The following TNIK variants were observed in gnomAD, a reference collection of about 807,000 sequenced individuals.
TNIK encodes TRAF2 and NCK-interacting protein kinase.
TNIK carries 49 observed loss-of-function variants against 191.3 expected under a neutral mutation model. The observed-to-expected ratio is 0.26, with a 90% CI of 0.20 to 0.32. The LOEUF (loss-of-function observed/expected upper bound fraction) is 0.32, where lower values mean the gene tolerates loss of function less well. Ranked by LOEUF, TNIK falls within the 10% of genes least tolerant of loss-of-function variation. The pLI is 1.00. For missense variants in TNIK, 1,155 were observed against 1,702.3 expected (o/e 0.68, Z 5.66); for synonymous variants, 594 against 600.9 (o/e 0.99, Z 0.17).
intron 1 of TNIK, among the ~76,000 whole-genome samples, chr3:171,438,058 G>A (rs1726244705): frequency 6.6e-6 from 1 of 152,164 alleles, no homozygotes; most frequent in Non-Finnish European, 1.5e-5. Flanking sequence ...TGCTGCACCT[G>A]CACAGTGACT....
At chr3:171,382,685 T>C (rs1179846688) in intron 1 of TNIK, among the ~76,000 whole-genome samples, 1 of 152,136 alleles carries the variant, frequency 6.6e-6, no homozygotes, top group East Asian at 1.9e-4. Context: ...TTCAAATCAT[T>C]GTGATGACTG....
At chr3:171,352,222 G>A (rs1351454081) in intron 2 of TNIK, among the ~76,000 whole-genome samples, 1 of 152,122 alleles carries the variant, frequency 6.6e-6, no homozygotes, top group Non-Finnish European at 1.5e-5. Flanking sequence ...TTTTTGAAAG[G>A]TTCATCCTGG....
intron 15 of TNIK, among the ~76,000 whole-genome samples, chr3:171,133,233 C>T (rs1219173710): frequency 1.3e-5 from 2 of 152,072 alleles, no homozygotes; most frequent in African/African-American, 4.8e-5. Flanking sequence ...CGTATAGATC[C>T]CTGTGTGAAT....
chr3:171,060,672 A>T lies in TNIK; in HGVS notation c.*3209T>A, dbSNP rs547806888. On this transcript the variant is annotated 3_prime_UTR_variant, in exon 33 of 33. Transcript: ENST00000436636. Reference sequence around the variant, plus strand: ...CTTCATTTGCATTGTGTGTTATGACAGTGGTCTGGCTGGAACTGGCAGGGG... The same window carrying T: ...CTTCATTTGCATTGTGTGTTATGACTGTGGTCTGGCTGGAACTGGCAGGGG... Among the ~76,000 whole-genome samples the T allele has an allele frequency of 6.6e-6, 1 of 152,350 alleles. No homozygotes were observed. The highest frequency in any genetic ancestry group is 1.5e-5 in the Non-Finnish European group (1 of 68,040).
intron 4 of TNIK, among the ~76,000 whole-genome samples, chr3:171,197,631 T>C (rs1215383099): frequency 1.3e-5 from 2 of 152,116 alleles, no homozygotes; most frequent in Non-Finnish European, 2.9e-5. Context: ...GATATACAAA[T>C]GGCTAACAAT....
At position 171,223,196 on chromosome 3, in the gene TNIK, C is replaced by T. The variant is rs547059520; in HGVS notation, c.180+4969G>A. On this transcript the variant is annotated intron_variant, in intron 3 of 32. Coordinates refer to ENST00000436636, the MANE Select transcript of TNIK (RefSeq NM_015028.4). The stretch of plus-strand genomic sequence containing the variant: ...CCCTCTCAGCCTCATGCCTTGGCAC[C>T]GGCTGTATTCTTGGCTGGAATGTCC... 8.6e-4 allele frequency among the ~76,000 whole-genome samples: 131 copies of T among 152,274 alleles called. 4 individuals carry two copies. Among genetic ancestry groups the T allele is most frequent in the Admixed American group, 8.5e-3 (130 of 15,286 alleles).
At chr3:171,132,012 T>A (rs1729373798) in intron 15 of TNIK, among the ~76,000 whole-genome samples, 2 of 152,172 alleles carry the variant, frequency 1.3e-5, no homozygotes, top group African/African-American at 4.8e-5. Flanking sequence ...GAAAGATACA[T>A]GTGATTAAAA....
At chr3:171,138,153 G>A in intron 15 of TNIK, 38 bp downstream of exon 15, 2 of 1,509,090 alleles carry the variant, frequency 1.3e-6, no homozygotes, top group South Asian at 1.4e-5. Context: ...AGAGTCAAAA[G>A]CCTGGCCAAC....
At chr3:171,450,212 G>A (rs1329405772) in intron 1 of TNIK, among the ~76,000 whole-genome samples, 2 of 152,142 alleles carry the variant, frequency 1.3e-5, no homozygotes, top group Non-Finnish European at 2.9e-5. Context: ...ACATAGAATC[G>A]TAACCTTTAT....
chr3:171,381,965 A>T (rs1239191431), intron 1 of TNIK, among the ~76,000 whole-genome samples: 4 of 152,236 alleles, frequency 2.6e-5, no homozygotes, highest in Non-Finnish European at 5.9e-5. Context: ...TGGAGCTACC[A>T]TGCTACCGCT....
intron 2 of TNIK, among the ~76,000 whole-genome samples, chr3:171,341,594 C>T (rs925654103): frequency 2.1e-5 from 3 of 143,510 alleles, no homozygotes; most frequent in Non-Finnish European, 4.5e-5. Context: ...AATAATAGTA[C>T]AAGTGCTGTG....
chr3:171,235,268 T>G (rs565032585), intron 2 of TNIK, among the ~76,000 whole-genome samples: 1 of 152,234 alleles, frequency 6.6e-6, no homozygotes, highest in South Asian at 2.1e-4. Flanking sequence ...TCTTGAACTC[T>G]TGACCTCAAG....
At chr3:171,307,938 T>A (rs1055629857) in intron 2 of TNIK, among the ~76,000 whole-genome samples, 10 of 152,312 alleles carry the variant, frequency 6.6e-5, no homozygotes, top group South Asian at 2.1e-4. Flanking sequence ...AATGTTTATA[T>A]ATTCTTGTAC....
Position 171,228,164 on chromosome 3 carries a change from C to A in TNIK, c.180+1G>T. On this transcript the variant is annotated splice_donor_variant, in intron 3 of 32. Transcript: ENST00000436636. LOFTEE classifies it high-confidence loss of function. ...TGAGATGGCAAAATAAAGACACTTA[C>A]CCCTGTGACATCCATAACCTTGATG... 6.2e-7 allele frequency: 1 copy of A among 1,613,566 alleles called. No homozygotes were observed. Among genetic ancestry groups the A allele is most frequent in the Non-Finnish European group, 8.5e-7 (1 of 1,179,592 alleles).
At chr3:171,382,251 C>A (rs573252540) in intron 1 of TNIK, among the ~76,000 whole-genome samples, 1 of 119,836 alleles carries the variant, frequency 8.3e-6, no homozygotes, top group African/African-American at 3.0e-5. Context: ...GAGACAGTCT[C>A]GCTCTGTCAG....
At position 171,443,641 on chromosome 3, in the gene TNIK, A is replaced by AC. The variant is rs548625549; in HGVS notation, c.57+16365dup. On this transcript the variant is annotated intron_variant, in intron 1 of 32. Transcript: ENST00000436636. Reference sequence around the variant, plus strand: ...AGACCACGCTGGGCAACATAGGGAGACCCCCCATCTCTACAAAAAAAAAAA... The same window carrying AC: ...AGACCACGCTGGGCAACATAGGGAGACCCCCCCATCTCTACAAAAAAAAAAA... Among the ~76,000 whole-genome samples the AC allele has an allele frequency of 1.8e-4, 27 of 148,752 alleles. No homozygotes were observed. In the South Asian group the frequency reaches 2.3e-3, roughly 13 times the overall value.
At position 171,157,452 on chromosome 3, in the gene TNIK, G is replaced by T; in HGVS notation, c.1221+8C>A. The T allele has an allele frequency of 6.4e-7, 1 of 1,557,326 alleles. No individual in the cohort carries two copies. The highest frequency in any genetic ancestry group is 8.7e-7 in the Non-Finnish European group (1 of 1,151,022). On this transcript the variant is annotated splice_region_variant and intron_variant, in intron 12 of 32. Coordinates refer to ENST00000436636, the MANE Select transcript of TNIK (RefSeq NM_015028.4). The stretch of plus-strand genomic sequence containing the variant: ...TTGGGGTCAGAGGTGGCCCGAGCAG[G>T]TCCTCACCTCCTCCAGCCGCCGCCT...
At chr3:171,135,137 C>T (rs1188130917) in intron 15 of TNIK, among the ~76,000 whole-genome samples, 1 of 152,196 alleles carries the variant, frequency 6.6e-6, no homozygotes. Context: ...GAGGGTTTAA[C>T]CCAGGTTTTC....
At chr3:171,365,161 C>CTGTTTTTTTTTTTT (rs1715521178) in intron 2 of TNIK, among the ~76,000 whole-genome samples, 1 of 31,912 alleles carries the variant, frequency 3.1e-5, no homozygotes, top group Non-Finnish European at 6.5e-5. Flanking sequence ...GGACTACATT[C>CTGTTTTTTTTTTTT]TTTTTTTTTT....
Sources: allele counts gnomAD v4.1 joint callset (sites outside exome capture counted in the v4.1 genomes callset), GRCh38; gene constraint gnomAD v4.1.1; transcripts MANE v1.5; gene names NCBI Gene and HGNC (gene_info 2026-07-23, HGNC 2026-07-21).